ZNF469: variants seen among roughly 807,000 people sequenced by gnomAD.
The protein encoded by ZNF469 is zinc finger protein 469.
A neutral mutation model predicts 1.0 loss-of-function variants in ZNF469; 1 was observed. The ratio of observed to expected loss-of-function variants is 1.00; its 90% CI spans 0.35 to 4.73. The LOEUF is 4.73. ZNF469 is among the 30% of genes most tolerant of loss of function. The pLI, the probability that ZNF469 is intolerant of heterozygous loss-of-function variation, is 0.16. For missense variants in ZNF469, 6,100 were observed against 5,356.3 expected, an observed-to-expected ratio of 1.14 and a Z score of -4.33; for synonymous variants, 2,703 against 2,363.4, an observed-to-expected ratio of 1.14 and a Z score of -4.17.
Position 88,438,043 on chromosome 16 carries a change from G to C in ZNF469, c.10573G>C (p.Glu3525Gln), listed in dbSNP as rs273585628. The change falls in exon 3 of 3, where the codon GAG (glutamate) becomes CAG (glutamine). Residue 3525 changes from glutamate to glutamine, a missense_variant. Coordinates refer to ENST00000565624, the MANE Select transcript of ZNF469 (RefSeq NM_001367624.2). ...VAPSTTKGWP[E>Q]TLERPVDPVT... Reference sequence around the variant, plus strand: ...TCCCAGCACCACCAAGGGATGGCCCGAGACCCTAGAGAGGCCTGTAGACCC... The same window carrying C: ...TCCCAGCACCACCAAGGGATGGCCCCAGACCCTAGAGAGGCCTGTAGACCC... The C allele has an allele frequency of 6.5e-7, 1 of 1,550,236 alleles. No homozygotes were observed. Among genetic ancestry groups the C allele is most frequent in the Admixed American group, 2.0e-5 (1 of 51,006 alleles).
At chr16:88,162,636 C>G in the ZNF469 span, among the ~76,000 whole-genome samples, 2 of 151,720 alleles carry the variant, frequency 1.3e-5, no homozygotes, top group African/African-American at 4.8e-5. Context: ...ATAGGCATTT[C>G]AAAAAAGCAT....
rs1175521704 is a variant in ZNF469, at chr16:88,428,305, G to A, written c.835G>A (p.Ala279Thr). 1 of 1,550,192 alleles carries A rather than the reference G, an allele frequency of 6.5e-7. No individual in the cohort carries two copies. Among genetic ancestry groups the A allele is most frequent in the Non-Finnish European group, 8.7e-7 (1 of 1,146,954 alleles). The change falls in exon 3 of 3, where the codon GCA (alanine) becomes ACA (threonine). Residue 279 changes from alanine (A) to threonine (T), a missense_variant. Coordinates refer to ENST00000565624, the MANE Select transcript of ZNF469 (RefSeq NM_001367624.2). ...RGVSFQFPFPALHGASTKPFP... is the reference protein window; with the variant it reads ...RGVSFQFPFPTLHGASTKPFP... The stretch of plus-strand genomic sequence containing the variant: ...AGTTTCCTTCCAGTTCCCCTTCCCG[G>A]CACTGCATGGGGCCAGCACAAAACC...
chr16:88,185,240 C>T, the ZNF469 span, among the ~76,000 whole-genome samples: 1 of 152,020 alleles, frequency 6.6e-6, no homozygotes, highest in East Asian at 1.9e-4. Context: ...CACGGGCACA[C>T]CCAGACTGAT....
At chr16:88,197,432 A>G in the ZNF469 span, among the ~76,000 whole-genome samples, 1 of 152,230 alleles carries the variant, frequency 6.6e-6, no homozygotes, top group South Asian at 2.1e-4. Flanking sequence ...GAAGGTACAC[A>G]GTTAATGTTT....
At chr16:88,330,748 G>A in the ZNF469 span, among the ~76,000 whole-genome samples, 2 of 152,288 alleles carry the variant, frequency 1.3e-5, no homozygotes, top group African/African-American at 4.8e-5. Flanking sequence ...TGCTGAGGCT[G>A]CACACTGAGT....
chr16:88,137,437 CGTGT>C, the ZNF469 span, among the ~76,000 whole-genome samples: 8 of 152,056 alleles, frequency 5.3e-5, no homozygotes, highest in African/African-American at 1.9e-4. Context: ...TGCATGCAAC[CGTGT>C]GTGTGCAGCT....
At chr16:88,110,217 A>AC in the ZNF469 span, among the ~76,000 whole-genome samples, 8 of 152,136 alleles carry the variant, frequency 5.3e-5, no homozygotes, top group Admixed American at 2.0e-4. Context: ...ACCCGTCAGA[A>AC]CCCCCTGGAG....
the ZNF469 span, among the ~76,000 whole-genome samples, chr16:88,291,523 T>G: frequency 6.6e-6 from 1 of 152,190 alleles, no homozygotes; most frequent in Non-Finnish European, 1.5e-5. Context: ...GTTTTACAGA[T>G]GAAGACACCG....
chr16:88,208,632 GGA>G, the ZNF469 span, among the ~76,000 whole-genome samples: 1 of 82,444 alleles, frequency 1.2e-5, no homozygotes, highest in Non-Finnish European at 2.4e-5. Context: ...GAAGTGGGAG[GGA>G]GAGAAGAAGG....
the ZNF469 span, among the ~76,000 whole-genome samples, chr16:88,185,027 A>C: frequency 6.6e-6 from 1 of 151,578 alleles, no homozygotes; most frequent in Non-Finnish European, 1.5e-5. Context: ...ATACACACTC[A>C]TACAGGCACA....
chr16:88,416,307 G>A (rs980353589), intron 1 of ZNF469, among the ~76,000 whole-genome samples: 2 of 152,166 alleles, frequency 1.3e-5, no homozygotes, highest in African/African-American at 4.8e-5. Flanking sequence ...GCCACTTGAC[G>A]GCACAGGGGA....
the ZNF469 span, among the ~76,000 whole-genome samples, chr16:88,122,619 T>G: frequency 6.6e-6 from 1 of 151,868 alleles, no homozygotes. Flanking sequence ...AATAAGAAGG[T>G]CAAGCATTTA....
chr16:88,332,830 C>G, the ZNF469 span, among the ~76,000 whole-genome samples: 1 of 152,236 alleles, frequency 6.6e-6, no homozygotes, highest in South Asian at 2.1e-4. Flanking sequence ...CTGCAGCCAG[C>G]CTCCTCACCG....
the ZNF469 span, among the ~76,000 whole-genome samples, chr16:88,126,435 T>C: frequency 2.6e-5 from 4 of 151,054 alleles, no homozygotes; most frequent in African/African-American, 9.7e-5. Context: ...TTTACAGAGA[T>C]GTTCTTTATC....
In ZNF469 at chr16:88,436,749, G is replaced by T. The variant is rs886052417; in HGVS notation, c.9279G>T (p.Glu3093Asp). ...SSQGPQSRRT[E>D]EAAGAGRAQG... ...AGGGGCCACAGAGCCGAAGGACAGA[G>T]GAGGCTGCAGGGGCAGGGAGGGCCC... Residue 3093 changes from glutamate to aspartate, a missense_variant, in exon 3 of 3, where the codon GAG (glutamate) becomes GAT (aspartate). Transcript: ENST00000565624. 1.2e-5 allele frequency: 18 copies of T among 1,547,822 alleles called. No homozygotes were observed. Among genetic ancestry groups the T allele is most frequent in the Non-Finnish European group, 1.6e-5 (18 of 1,146,220 alleles).
chr16:88,138,240 A>G, the ZNF469 span, among the ~76,000 whole-genome samples: 1 of 152,224 alleles, frequency 6.6e-6, no homozygotes, highest in Non-Finnish European at 1.5e-5. Flanking sequence ...ACTCACTGGC[A>G]AGAGTTCACT....
the ZNF469 span, among the ~76,000 whole-genome samples, chr16:88,153,426 G>A: frequency 6.6e-6 from 1 of 152,232 alleles, no homozygotes; most frequent in Non-Finnish European, 1.5e-5. Flanking sequence ...GCTACCTGGT[G>A]TTTTGGAAGC....
chr16:88,317,570 C>T, the ZNF469 span, among the ~76,000 whole-genome samples: 1 of 152,192 alleles, frequency 6.6e-6, no homozygotes, highest in Non-Finnish European at 1.5e-5. Context: ...GATGTAGTCT[C>T]CATCGTGCTG....
At chr16:88,348,952 C>T in the ZNF469 span, among the ~76,000 whole-genome samples, 1 of 152,160 alleles carries the variant, frequency 6.6e-6, no homozygotes, top group Non-Finnish European at 1.5e-5. Flanking sequence ...CTCACCACAG[C>T]CCCCACAGCC....
Sources: gnomAD v4.1 joint callset for allele counts (sites outside exome capture counted in the v4.1 genomes callset) on GRCh38, gnomAD v4.1.1 for gene constraint, MANE v1.5 for transcripts, NCBI Gene and HGNC (gene_info 2026-07-23, HGNC 2026-07-21) for gene names.